Variants in FN1 observed in about 807,000 individuals in gnomAD.
The protein encoded by FN1 is fibronectin.
FN1 carries 106 observed loss-of-function variants against 297.3 expected under a neutral mutation model. The observed-to-expected ratio is 0.36, with a 90% CI of 0.30 to 0.42. The LOEUF is 0.42. Ranked by LOEUF, FN1 falls within the 10% of genes least tolerant of loss-of-function variation. The pLI is 1.00. For synonymous variants in FN1, 1,149 were observed against 1,152.6 expected, an observed-to-expected ratio of 1.00 and a Z score of 0.06; for missense variants, 2,690 against 3,124.9, an observed-to-expected ratio of 0.86 and a Z score of 3.32.
intron 7 of FN1, among the ~76,000 whole-genome samples, chr2:215,424,772 T>C (rs2065041307): frequency 6.6e-6 from 1 of 152,244 alleles, no homozygotes. Context: ...TATTGGAAGA[T>C]GTTTACATCA....
chr2:215,433,830 A>G (rs1467734754), intron 2 of FN1, among the ~76,000 whole-genome samples: 4 of 152,260 alleles, frequency 2.6e-5, no homozygotes, highest in South Asian at 2.1e-4. Context: ...GGCCGGGCAC[A>G]GTGGCTCACG....
chr2:215,418,384 G>A (rs190360945), intron 12 of FN1, among the ~76,000 whole-genome samples: 3 of 152,266 alleles, frequency 2.0e-5, no homozygotes, highest in African/African-American at 4.8e-5. Flanking sequence ...CTGTCACAGT[G>A]AATCTTTTAT....
intron 21 of FN1, among the ~76,000 whole-genome samples, chr2:215,398,612 C>T (rs987008048): frequency 6.6e-6 from 1 of 152,092 alleles, no homozygotes. Flanking sequence ...TTTTTTTAAA[C>T]GATCAAGGGG....
Position 215,371,989 on chromosome 2 carries a change from TGGTTGTCTGAGA to T in FN1, c.6622_6633del (p.Ser2208_Thr2211del). Reference sequence around the variant, plus strand: ...GTGTCCTGGAATGGGGCCCATGAGATGGTTGTCTGAGAGAGAGCTTCTTGTCCTGTAGAGGCA... The same window carrying T: ...GTGTCCTGGAATGGGGCCCATGAGATGAGAGCTTCTTGTCCTGTAGAGGCA... On this transcript the variant is annotated inframe_deletion, in exon 40 of 46. Transcript: ENST00000354785. 6 of 1,614,154 alleles carry T rather than the reference TGGTTGTCTGAGA, an allele frequency of 3.7e-6. No individual in the cohort carries two copies. The highest frequency in any genetic ancestry group is 5.1e-6 in the Non-Finnish European group (6 of 1,180,028).
rs1453092493 is a variant in FN1, at chr2:215,371,955, T to G, written c.6668A>C (p.Tyr2223Ser). Reference sequence around the variant, plus strand: ...GCCAACAGGATGACATGAAATGATGTACTCAGAAGTGTCCTGGAATGGGGC... The same window carrying G: ...GCCAACAGGATGACATGAAATGATGGACTCAGAAGTGTCCTGGAATGGGGC... Reference protein sequence around the residue: ...SWAPFQDTSEYIISCHPVGTD... With the variant: ...SWAPFQDTSESIISCHPVGTD... The change falls in exon 40 of 46, where the codon TAC becomes TCC. Residue 2223 changes from tyrosine (Y) to serine (S), a missense_variant. By Grantham distance (144) the Tyr-to-Ser change is moderately radical. Around this residue, in one of 3 missense-constraint regions of FN1, gnomAD observed 1,743 missense variants for 1,945.2 expected, o/e 0.90. Coordinates refer to ENST00000354785, the MANE Select transcript of FN1 (RefSeq NM_212482.4). The G allele has an allele frequency of 6.2e-7, 1 of 1,614,242 alleles. No homozygotes were observed. The highest frequency in any genetic ancestry group is 1.1e-5 in the South Asian group (1 of 91,088).
intron 24 of FN1, among the ~76,000 whole-genome samples, chr2:215,393,988 G>A (rs1420946990): frequency 1.3e-5 from 2 of 152,176 alleles, no homozygotes; most frequent in Admixed American, 6.5e-5. Context: ...CACCCTGAAG[G>A]TGTGACTTTT....
chr2:215,406,649 A>C, intron 18 of FN1, 139 bp from the exon 19 acceptor site: 1 of 859,224 alleles, frequency 1.2e-6, no homozygotes, highest in Middle Eastern at 3.2e-4. Context: ...TAATCAGATC[A>C]CATTTTCATG....
intron 38 of FN1, among the ~76,000 whole-genome samples, chr2:215,373,746 C>G (rs2056726543): frequency 7.1e-6 from 1 of 141,156 alleles, no homozygotes; most frequent in Non-Finnish European, 1.5e-5. Context: ...GTGGTGCTAT[C>G]TCGGCTCACT....
Position 215,410,033 on chromosome 2 carries a change from C to A in FN1, c.2023G>T (p.Val675Leu), listed in dbSNP as rs749734973. The A allele has an allele frequency of 6.2e-7, 1 of 1,614,024 alleles. No individual in the cohort carries two copies. The highest frequency in any genetic ancestry group is 1.7e-5 in the Admixed American group (1 of 60,004). ...SYTIKGLKPG[V>L]VYEGQLISIQ... ...CTGATGAGCTGGCCCTCGTATACCA[C>A]ACCAGGCTTCAGGCCTTTGATGGTG... Residue 675 changes from valine (V) to leucine (L), a missense_variant, in exon 14 of 46, where the codon GTG (valine) becomes TTG (leucine). Val to Leu is a conservative substitution (Grantham distance 32, BLOSUM62 1). Transcript: ENST00000354785.
chr2:215,419,578 T>C (rs1457891811), intron 11 of FN1, among the ~76,000 whole-genome samples, 193 bp from the exon 12 acceptor site: 1 of 152,116 alleles, frequency 6.6e-6, no homozygotes, highest in Non-Finnish European at 1.5e-5. Context: ...AAAACCAAAG[T>C]ACCTATTAGG....
At position 215,365,613 on chromosome 2, in the gene FN1, C is replaced by T. The variant is rs374352654; in HGVS notation, c.7036G>A (p.Gly2346Ser). 3 of 1,613,844 alleles carry T rather than the reference C, an allele frequency of 1.9e-6. No homozygotes were observed. The highest frequency in any genetic ancestry group is 1.7e-6 in the Non-Finnish European group (2 of 1,179,922). ...TTCTCTCCAATCTTGTAGTTCACAC[C>T]ATTGTCATGGCACCATCCTGTAGGG... Reference protein sequence around the residue: ...CDSSRWCHDNGVNYKIGEKWD... With the variant: ...CDSSRWCHDNSVNYKIGEKWD... The change falls in exon 43 of 46, where the codon GGT (glycine) becomes AGT (serine). Residue 2346 changes from glycine to serine, a missense_variant. Gly to Ser is a moderately conservative substitution (Grantham distance 56, BLOSUM62 0). Transcript: ENST00000354785.
intron 9 of FN1, 101 bp downstream of exon 9, chr2:215,423,249 T>C: frequency 8.2e-7 from 1 of 1,219,998 alleles, no homozygotes; most frequent in Non-Finnish European, 1.2e-6. Flanking sequence ...TGTCTCAAAA[T>C]TGTGTTAATG....
intron 6 of FN1, among the ~76,000 whole-genome samples, chr2:215,425,853 T>C (rs1023202879): frequency 4.6e-5 from 7 of 152,154 alleles, no homozygotes; most frequent in Admixed American, 3.3e-4. Context: ...ATTACAGGCA[T>C]GAGCCACCTC....
chr2:215,406,167 C>G, intron 19 of FN1, 71 bp downstream of exon 19: 1 of 1,488,940 alleles, frequency 6.7e-7, no homozygotes, highest in Non-Finnish European at 9.4e-7. Flanking sequence ...GAATGGTTTA[C>G]TGCACTTTCT....
chr2:215,370,473 T>C (rs1042168876), intron 40 of FN1, 41 bp from the exon 41 acceptor site: 4 of 1,581,556 alleles, frequency 2.5e-6, no homozygotes, highest in Non-Finnish European at 3.5e-6. Context: ...GAAAGCATTA[T>C]AGTGAGGAAT....
At chr2:215,362,128 G>A (rs1326064363) in intron 44 of FN1, 49 bp from the exon 45 acceptor site, 3 of 1,394,170 alleles carry the variant, frequency 2.2e-6, no homozygotes, top group Middle Eastern at 1.8e-4. Context: ...ATAACCTGAG[G>A]ACATCGTAAT....
intron 40 of FN1, 72 bp from the exon 41 acceptor site, chr2:215,370,504 C>A: frequency 4.2e-6 from 5 of 1,183,480 alleles, no homozygotes; most frequent in Non-Finnish European, 4.9e-6. Context: ...CTCCTCTTAC[C>A]AATAACCCTC....
intron 43 of FN1, among the ~76,000 whole-genome samples, chr2:215,365,251 T>C (rs2054295459): frequency 6.6e-6 from 1 of 152,204 alleles, no homozygotes; most frequent in Non-Finnish European, 1.5e-5. Context: ...TAAAGCTTCT[T>C]TGTAGCATTT....
intron 11 of FN1, among the ~76,000 whole-genome samples, chr2:215,420,276 T>C (rs2064056695): frequency 1.3e-5 from 2 of 151,674 alleles, no homozygotes; most frequent in African/African-American, 4.9e-5. Flanking sequence ...GAAGCAGAGG[T>C]TGCAGTGAGC....
Sources: gnomAD v4.1 joint callset for allele counts (sites outside exome capture counted in the v4.1 genomes callset) on GRCh38, gnomAD v4.1.1 for gene constraint, gnomAD v4.1.1 regional missense constraint, MANE v1.5 for transcripts, NCBI Gene and HGNC (gene_info 2026-07-23, HGNC 2026-07-21) for gene names.